UVRAG: variants seen among roughly 807,000 people sequenced by gnomAD.
UVRAG encodes UV radiation resistance-associated gene protein.
UVRAG carries 19 observed loss-of-function variants against 78.0 expected under a neutral mutation model. The observed-to-expected ratio is 0.24, with a 90% CI of 0.17 to 0.36. UVRAG has a LOEUF of 0.36. UVRAG is among the 10% of genes least tolerant of loss of function. UVRAG has a pLI of 1.00. For synonymous variants in UVRAG, 323 were observed against 324.6 expected (o/e 1.00, Z 0.05); for missense variants, 740 against 853.8 (o/e 0.87, Z 1.66).
chr11:75,972,029 C>T (rs1479474181), intron 7 of UVRAG, among the ~76,000 whole-genome samples: 1 of 151,702 alleles, frequency 6.6e-6, no homozygotes, highest in African/African-American at 2.4e-5. Flanking sequence ...TTTAAGAGCT[C>T]TTTGAGGCCA....
At chr11:76,007,195 A>G (rs557376860) in intron 9 of UVRAG, among the ~76,000 whole-genome samples, 1 of 152,132 alleles carries the variant, frequency 6.6e-6, no homozygotes, top group African/African-American at 2.4e-5. Context: ...TTATTTTTGT[A>G]GAGACGGGGT....
chr11:75,853,600 G>A (rs1345506678), intron 2 of UVRAG, among the ~76,000 whole-genome samples: 3 of 150,520 alleles, frequency 2.0e-5, no homozygotes, highest in East Asian at 4.0e-4. Context: ...ACCTCTGCCT[G>A]CCTTGGCCTT....
At position 75,862,103 on chromosome 11, in the gene UVRAG, GA is replaced by G. The variant is rs148074802; in HGVS notation, c.270+330del. ...GTATAATAATAATAAAATAAAAAAA[GA>G]AAAAAATATTTACTGAATGAACTGA... On this transcript the variant is annotated intron_variant, in intron 3 of 14. Coordinates refer to ENST00000356136, the MANE Select transcript of UVRAG (RefSeq NM_003369.4). 1.7e-3 allele frequency among the ~76,000 whole-genome samples: 257 copies of G among 151,998 alleles called. 4 individuals are homozygous for G. In the East Asian group the frequency reaches 0.031, roughly 18 times the overall value.
In UVRAG at chr11:75,861,702, ATTTTC is replaced by A. The variant is rs781053716; in HGVS notation, c.236-40_236-36del. The A allele has an allele frequency of 2.7e-6, 4 of 1,476,092 alleles. No homozygotes were observed. The East Asian group carries it at 9.1e-5, about 34-fold the overall frequency. The allele number at this position is 1,476,092 out of a possible 1,614,324, so 91.4% of individuals were successfully genotyped here. ...GGATTAACAGTTGGTTAATGGGCTT[ATTTTC>A]TTTCATATCACTTATTGTTCTTTTT... On this transcript the variant is annotated intron_variant, in intron 2 of 14. Coordinates refer to ENST00000356136, the MANE Select transcript of UVRAG (RefSeq NM_003369.4).
chr11:75,815,502 A>C lies in UVRAG; in HGVS notation c.95A>C (p.His32Pro). The stretch of plus-strand genomic sequence containing the variant: ...CCCGGTTCTGCCGCGCGGGCCCTGC[A>C]TGTGGAGCTGCCGTCTCAGCAGGTA... ...LPPGSAARALHVELPSQQRRL... is the reference protein window; with the variant it reads ...LPPGSAARALPVELPSQQRRL... Residue 32 changes from histidine (H) to proline (P), a missense_variant, in exon 1 of 15, where the codon CAT becomes CCT. Transcript: ENST00000356136. The C allele has an allele frequency of 8.1e-7, 1 of 1,240,258 alleles. No homozygotes were observed. Among genetic ancestry groups the C allele is most frequent in the Non-Finnish European group, 1.0e-6 (1 of 991,526 alleles). 76.8% of individuals were successfully genotyped at this position (1,240,258 alleles called of 1,614,324 possible).
intron 14 of UVRAG, among the ~76,000 whole-genome samples, chr11:76,133,856 A>T (rs1952554080): frequency 6.6e-6 from 1 of 152,042 alleles, no homozygotes; most frequent in South Asian, 2.1e-4. Flanking sequence ...AAAAGAAAAA[A>T]ACCTAAGATT....
chr11:76,015,285 C>T (rs1394148265), intron 11 of UVRAG, among the ~76,000 whole-genome samples: 11 of 152,078 alleles, frequency 7.2e-5, no homozygotes, highest in Admixed American at 7.2e-4. Flanking sequence ...GAGGATTGCT[C>T]GAGCCCAGGA....
chr11:75,830,232 A>G (rs539981013), intron 1 of UVRAG, among the ~76,000 whole-genome samples: 10 of 152,286 alleles, frequency 6.6e-5, no homozygotes, highest in Non-Finnish European at 8.8e-5. Flanking sequence ...TTGGAATGCC[A>G]GAATATCTTT....
chr11:76,043,223 G>A (rs1950685281), intron 12 of UVRAG, among the ~76,000 whole-genome samples: 1 of 152,122 alleles, frequency 6.6e-6, no homozygotes, highest in South Asian at 2.1e-4. Flanking sequence ...TATTTAAACT[G>A]TTCTTTAATT....
At chr11:76,016,790 T>A (rs752147139) in intron 11 of UVRAG, 25 bp from the exon 12 acceptor site, 2 of 1,569,912 alleles carry the variant, frequency 1.3e-6, no homozygotes, top group Non-Finnish European at 1.7e-6. Context: ...AGTTATTTTC[T>A]TTTCCTCTGC....
At chr11:75,996,599 A>G (rs2135313464) in intron 8 of UVRAG, among the ~76,000 whole-genome samples, 1 of 152,282 alleles carries the variant, frequency 6.6e-6, no homozygotes, top group South Asian at 2.1e-4. Context: ...AGGTAAAGGG[A>G]GCAGTTTATA....
intron 6 of UVRAG, among the ~76,000 whole-genome samples, chr11:75,923,881 T>C (rs1316887836): frequency 6.6e-6 from 1 of 152,260 alleles, no homozygotes; most frequent in African/African-American, 2.4e-5. Flanking sequence ...GACCAGAAAC[T>C]ACTCTAATGT....
At chr11:75,980,718 G>A (rs565363631) in intron 7 of UVRAG, among the ~76,000 whole-genome samples, 2 of 141,500 alleles carry the variant, frequency 1.4e-5, no homozygotes, top group African/African-American at 2.7e-5. Flanking sequence ...TTTCACTCTC[G>A]TTGCCCAGGC....
chr11:75,989,782 G>T (rs997285918), intron 8 of UVRAG, among the ~76,000 whole-genome samples: 2 of 152,012 alleles, frequency 1.3e-5, no homozygotes, highest in Non-Finnish European at 2.9e-5. Flanking sequence ...TCTTATCTTC[G>T]CACTTATTTG....
chr11:75,976,254 C>T (rs1949236463), intron 7 of UVRAG, among the ~76,000 whole-genome samples: 1 of 152,192 alleles, frequency 6.6e-6, no homozygotes, highest in African/African-American at 2.4e-5. Flanking sequence ...TGATGTGCTG[C>T]TGGATTCAGT....
chr11:75,825,520 A>G lies in UVRAG; in HGVS notation c.117+9996A>G, dbSNP rs116377955. ...AGTACACACAGAATGGAAACTTGAC[A>G]TTGGAATTTTACAATTCATAGTATA... On this transcript the variant is annotated intron_variant, in intron 1 of 14. Transcript: ENST00000356136. Among the ~76,000 whole-genome samples, 1,395 of 152,324 alleles carry G rather than the reference A, an allele frequency of 9.2e-3. 23 individuals are homozygous for G. Among genetic ancestry groups the G allele is most frequent in the African/African-American group, 0.032 (1,343 of 41,570 alleles).
chr11:75,884,175 A>G (rs1484747101), intron 4 of UVRAG, among the ~76,000 whole-genome samples: 1 of 151,710 alleles, frequency 6.6e-6, no homozygotes, highest in African/African-American at 2.4e-5. Context: ...GACAAAATTA[A>G]ATTGAGCCTT....
intron 6 of UVRAG, among the ~76,000 whole-genome samples, chr11:75,913,357 G>A (rs558815487): frequency 2.0e-5 from 3 of 152,152 alleles, no homozygotes; most frequent in African/African-American, 2.4e-5. Context: ...CAGGAGTAGC[G>A]AACACTGTGA....
At chr11:76,074,419 C>G (rs557721031) in intron 13 of UVRAG, among the ~76,000 whole-genome samples, 1 of 152,360 alleles carries the variant, frequency 6.6e-6, no homozygotes, top group African/African-American at 2.4e-5. Context: ...TCAGTGGATT[C>G]TTCCTTGTTG....
Sources: allele counts gnomAD v4.1 joint callset (sites outside exome capture counted in the v4.1 genomes callset), GRCh38; gene constraint gnomAD v4.1.1; transcripts MANE v1.5; gene names NCBI Gene and HGNC (gene_info 2026-07-23, HGNC 2026-07-21).